The following DNAH3 variants were observed in gnomAD, a reference collection of about 807,000 sequenced individuals.
The protein encoded by DNAH3 is dynein axonemal heavy chain 3.
Under a neutral mutation model 432.5 loss-of-function variants are expected in DNAH3, and 332 were observed. That is an observed-to-expected ratio of 0.77 (90% CI 0.70 to 0.84). The LOEUF (loss-of-function observed/expected upper bound fraction) is 0.84. Among genes scored for constraint, DNAH3 ranks in the 40% least tolerant of loss-of-function variants. The pLI is 0.00. For missense variants in DNAH3, 4,861 were observed against 5,114.0 expected, an observed-to-expected ratio of 0.95 and a Z score of 1.51; for synonymous variants, 1,956 against 1,900.2, an observed-to-expected ratio of 1.03 and a Z score of -0.76.
At chr16:20,996,467 C>CT (rs540287341) in intron 44 of DNAH3, among the ~76,000 whole-genome samples, 466 of 149,738 alleles carry the variant, frequency 3.1e-3, no homozygotes, top group Middle Eastern at 6.9e-3. Context: ...CCATCCTTAA[C>CT]TTTTTTTTTT....
At chr16:21,062,252 C>A (rs541359980) in intron 25 of DNAH3, among the ~76,000 whole-genome samples, 2 of 152,212 alleles carry the variant, frequency 1.3e-5, no homozygotes, top group East Asian at 3.9e-4. Context: ...GGGTTAAAAT[C>A]CACAAATTTA....
chr16:20,966,014 A>AATTTTTT (rs2085041950), intron 52 of DNAH3, among the ~76,000 whole-genome samples: 1 of 48,362 alleles, frequency 2.1e-5, no homozygotes, highest in African/African-American at 8.2e-5. Flanking sequence ...TGCCCAGCCA[A>AATTTTTT]TTTTTTTTTT....
chr16:20,953,931 C>T (rs758768742), intron 55 of DNAH3, among the ~76,000 whole-genome samples: 5 of 151,998 alleles, frequency 3.3e-5, no homozygotes, highest in African/African-American at 4.8e-5. Context: ...TTTCACTTAG[C>T]GTAATGTCCT....
At chr16:20,993,143 G>A (rs1056620008) in intron 44 of DNAH3, among the ~76,000 whole-genome samples, 2 of 152,170 alleles carry the variant, frequency 1.3e-5, no homozygotes, top group African/African-American at 2.4e-5. Context: ...TGGGTTTACA[G>A]GTATGAGCCA....
exon 50 of DNAH3, chr16:20,979,513 G>A (rs143406893): frequency 1.9e-5 from 31 of 1,613,958 alleles, no homozygotes; most frequent in African/African-American, 2.7e-5. Context: ...GCTTCTTGAC[G>A]CTCTCTTGGA....
chr16:21,119,453 G>A (rs928480585), intron 11 of DNAH3, among the ~76,000 whole-genome samples: 18 of 151,994 alleles, frequency 1.2e-4, no homozygotes, highest in Non-Finnish European at 1.8e-4. Flanking sequence ...GCAACGTGGC[G>A]GAACCCTGTC....
At chr16:21,007,490 T>A (rs2087366780) in intron 41 of DNAH3, among the ~76,000 whole-genome samples, 1 of 152,182 alleles carries the variant, frequency 6.6e-6, no homozygotes, top group Non-Finnish European at 1.5e-5. Context: ...TGAGCCCCAG[T>A]GTGCCTGGCC....
At chr16:21,014,859 A>T (rs1239412336) in intron 41 of DNAH3, among the ~76,000 whole-genome samples, 1 of 152,206 alleles carries the variant, frequency 6.6e-6, no homozygotes, top group Non-Finnish European at 1.5e-5. Context: ...AGAAGGAACT[A>T]CTTAGGTATA....
chr16:21,102,230 G>A lies in DNAH3; in HGVS notation c.2366+2241C>T, dbSNP rs1447494873. 2.0e-5 allele frequency among the ~76,000 whole-genome samples: 3 copies of A among 152,272 alleles called. No homozygotes were observed. In the South Asian group the frequency reaches 6.2e-4, roughly 32 times the overall value. On this transcript the variant is annotated intron_variant, in intron 16 of 61. Transcript: ENST00000261383. ...CTGGGGAACCAGCGGATGAGATCAAGCTGAGAGTCACCCCTCAGAAGGAGA... is the reference window on the plus strand; with the variant it reads ...CTGGGGAACCAGCGGATGAGATCAAACTGAGAGTCACCCCTCAGAAGGAGA...
intron 26 of DNAH3, among the ~76,000 whole-genome samples, chr16:21,059,073 G>GT (rs2090246392): frequency 6.6e-6 from 1 of 152,148 alleles, no homozygotes; most frequent in South Asian, 2.1e-4. Flanking sequence ...ATTGTCTGAT[G>GT]CTTTTGTGCC....
intron 21 of DNAH3, among the ~76,000 whole-genome samples, chr16:21,072,901 C>A (rs1450748872): frequency 6.6e-6 from 1 of 151,506 alleles, no homozygotes; most frequent in Non-Finnish European, 1.5e-5. Flanking sequence ...CCAGGCTGTT[C>A]TCGAACTCCT....
intron 19 of DNAH3, among the ~76,000 whole-genome samples, chr16:21,083,606 C>T (rs1478472311): frequency 2.6e-5 from 4 of 152,104 alleles, no homozygotes; most frequent in African/African-American, 4.8e-5. Context: ...CTTTTTCTAC[C>T]TACGTTCTGT....
At chr16:20,987,513 A>C in intron 46 of DNAH3, 65 bp from the exon 47 acceptor site, 1 of 1,594,724 alleles carries the variant, frequency 6.3e-7, no homozygotes. Context: ...AGTTCTCAGT[A>C]GTAGGTAAGT....
chr16:20,982,961 A>G (rs2085982990), intron 48 of DNAH3, 75 bp from the exon 49 acceptor site: 5 of 1,566,938 alleles, frequency 3.2e-6, no homozygotes, highest in South Asian at 2.3e-5. Context: ...GGTATTCCCA[A>G]GGATTCTGGT....
At chr16:20,960,654 G>A (rs1022742494) in intron 53 of DNAH3, among the ~76,000 whole-genome samples, 2 of 152,226 alleles carry the variant, frequency 1.3e-5, no homozygotes, top group East Asian at 1.9e-4. Context: ...GCAGTGAGCC[G>A]AGATCACGCC....
chr16:21,150,394 C>T (rs1282578694), intron 1 of DNAH3: 3 of 431,082 alleles, frequency 7.0e-6, no homozygotes, highest in East Asian at 7.0e-5. Context: ...TGTGCCTCTC[C>T]TATCCAGTTG....
At chr16:20,955,376 G>A (rs1428763869) in intron 54 of DNAH3, among the ~76,000 whole-genome samples, 1 of 152,032 alleles carries the variant, frequency 6.6e-6, no homozygotes, top group Non-Finnish European at 1.5e-5. Context: ...GGCATGGCAA[G>A]GTCAGGTGGG....
chr16:21,036,655 T>C (rs553838320), intron 35 of DNAH3, 59 bp downstream of exon 35: 31 of 1,508,130 alleles, frequency 2.1e-5, no homozygotes, highest in Non-Finnish European at 2.4e-5. Flanking sequence ...AAGACTTTAC[T>C]GTTTGCTGAC....
chr16:21,071,708 C>A (rs1284704798), intron 21 of DNAH3, among the ~76,000 whole-genome samples: 5 of 152,008 alleles, frequency 3.3e-5, no homozygotes, highest in African/African-American at 4.8e-5. Flanking sequence ...GGCAACATAG[C>A]AAGACCCCAT....
Sources: gnomAD v4.1 joint callset for allele counts (sites outside exome capture counted in the v4.1 genomes callset) on GRCh38, gnomAD v4.1.1 for gene constraint, MANE v1.5 for transcripts, NCBI Gene and HGNC (gene_info 2026-07-23, HGNC 2026-07-21) for gene names.